Variants in DGKB observed in about 807,000 individuals in gnomAD.
DGKB encodes diacylglycerol kinase beta.
A neutral mutation model predicts 114.3 loss-of-function variants in DGKB; 67 were observed. The observed-to-expected ratio is 0.59, with a 90% CI of 0.48 to 0.72. DGKB has a LOEUF of 0.72. Ranked by LOEUF, DGKB falls within the 30% of genes least tolerant of loss-of-function variation. The pLI is 0.00. For synonymous variants in DGKB, 398 were observed against 323.1 expected (o/e 1.23, Z -2.49); for missense variants, 907 against 975.2 (o/e 0.93, Z 0.93).
Position 14,308,330 on chromosome 7 carries a change from T to C in DGKB, c.2122+30185A>G, listed in dbSNP as rs546197314. 2.9e-4 allele frequency among the ~76,000 whole-genome samples: 44 copies of C among 152,208 alleles called. 1 individual carries two copies. The South Asian group carries it at 8.5e-3, about 29-fold the overall frequency. Reference sequence around the variant, plus strand: ...CTTATGCAATGAAGATATTTGTATATAATTTGTTTTCTGTACTTAGCAATT... The same window carrying C: ...CTTATGCAATGAAGATATTTGTATACAATTTGTTTTCTGTACTTAGCAATT... On this transcript the variant is annotated intron_variant, in intron 23 of 25. Coordinates refer to ENST00000402815, the MANE Select transcript of DGKB (RefSeq NM_001350709.2).
intron 25 of DGKB, among the ~76,000 whole-genome samples, chr7:14,158,215 C>T (rs879324372): frequency 2.0e-5 from 3 of 152,176 alleles, no homozygotes; most frequent in Non-Finnish European, 2.9e-5. Context: ...TATTTAGTCC[C>T]GTGGAAACAC....
At chr7:14,337,885 A>G (rs1160303735) in intron 23 of DGKB, among the ~76,000 whole-genome samples, 1 of 152,168 alleles carries the variant, frequency 6.6e-6, no homozygotes, top group Non-Finnish European at 1.5e-5. Flanking sequence ...ATCATGTCCC[A>G]ATGAGAACTA....
intron 23 of DGKB, among the ~76,000 whole-genome samples, chr7:14,224,640 T>TTGCTTGTTTGTTTTGTA: frequency 6.6e-6 from 1 of 152,066 alleles, no homozygotes; most frequent in East Asian, 1.9e-4. Flanking sequence ...TGGGACTTGT[T>TTGCTTGTTTGTTTTGTA]TGCTTGTTTG....
intron 2 of DGKB, among the ~76,000 whole-genome samples, chr7:14,814,600 A>T (rs1843856825): frequency 6.6e-6 from 1 of 152,176 alleles, no homozygotes; most frequent in South Asian, 2.1e-4. Context: ...TATCTGTTAC[A>T]TTCATTTATG....
chr7:14,874,379 T>C (rs1852941037), intron 1 of DGKB, among the ~76,000 whole-genome samples: 1 of 152,078 alleles, frequency 6.6e-6, no homozygotes, highest in Admixed American at 6.6e-5. Context: ...AGCATGCATT[T>C]TCCACATTTC....
intron 23 of DGKB, among the ~76,000 whole-genome samples, chr7:14,262,446 T>TGAGTGA (rs1415175469): frequency 6.6e-6 from 1 of 152,168 alleles, no homozygotes; most frequent in Non-Finnish European, 1.5e-5. Context: ...AAGCTGTGTC[T>TGAGTGA]GAGTGAGAGT....
chr7:14,338,249 A>T (rs1371750344), intron 23 of DGKB, among the ~76,000 whole-genome samples: 1 of 152,066 alleles, frequency 6.6e-6, no homozygotes, highest in Non-Finnish European at 1.5e-5. Context: ...CTTCTATTTT[A>T]TTATCCATGA....
chr7:14,465,731 A>C lies in DGKB; in HGVS notation c.1835+12430T>G, dbSNP rs569603757. On this transcript the variant is annotated intron_variant, in intron 21 of 25. Transcript: ENST00000402815. ...CACTATTTGAAGCCAGGGAGCCCTA[A>C]CTAGCACATTATAAATATCTGGGGG... 7.9e-5 allele frequency among the ~76,000 whole-genome samples: 12 copies of C among 152,264 alleles called. No homozygotes were observed. In the East Asian group the frequency reaches 2.1e-3, roughly 27 times the overall value.
chr7:14,487,618 C>A (rs149856405), intron 20 of DGKB, among the ~76,000 whole-genome samples: 2 of 148,600 alleles, frequency 1.3e-5, no homozygotes, highest in Non-Finnish European at 3.0e-5. Context: ...AGAATCTCTC[C>A]CTGTCACCAA....
intron 23 of DGKB, among the ~76,000 whole-genome samples, chr7:14,225,905 A>G (rs1363202940): frequency 6.6e-6 from 1 of 151,990 alleles, no homozygotes; most frequent in East Asian, 1.9e-4. Flanking sequence ...ATTTAATTTT[A>G]TAATTAATTT....
At chr7:14,763,614 C>A (rs1266342205) in intron 2 of DGKB, among the ~76,000 whole-genome samples, 2 of 151,966 alleles carry the variant, frequency 1.3e-5, no homozygotes, top group African/African-American at 2.4e-5. Flanking sequence ...GGCTTAGGAA[C>A]CTCATTATTA....
chr7:14,893,464 T>G (rs958078507), intron 1 of DGKB, among the ~76,000 whole-genome samples: 1 of 151,510 alleles, frequency 6.6e-6, no homozygotes, highest in South Asian at 2.1e-4. Flanking sequence ...TTAAAAGTAT[T>G]AGGATATGTC....
intron 20 of DGKB, among the ~76,000 whole-genome samples, chr7:14,572,030 A>G (rs753205468): frequency 4.6e-5 from 7 of 152,204 alleles, no homozygotes; most frequent in Non-Finnish European, 1.0e-4. Context: ...AAAGTGTGTC[A>G]CACATTTAGG....
chr7:14,909,669 A>G (rs1180132561), intron 1 of DGKB, among the ~76,000 whole-genome samples: 2 of 152,212 alleles, frequency 1.3e-5, no homozygotes, highest in Non-Finnish European at 2.9e-5. Context: ...CAATGATTAA[A>G]TATATATTTA....
intron 23 of DGKB, among the ~76,000 whole-genome samples, chr7:14,298,338 G>A (rs1802935609): frequency 6.6e-6 from 1 of 152,116 alleles, no homozygotes; most frequent in South Asian, 2.1e-4. Flanking sequence ...AAACAGCATG[G>A]TACTGGTACC....
chr7:14,761,277 C>T (rs1421980949), intron 2 of DGKB, among the ~76,000 whole-genome samples: 1 of 152,116 alleles, frequency 6.6e-6, no homozygotes, highest in African/African-American at 2.4e-5. Flanking sequence ...GCGCATGGAA[C>T]ACCAGAGAGT....
chr7:14,756,523 A>T (rs770798561), intron 3 of DGKB, among the ~76,000 whole-genome samples: 44 of 152,012 alleles, frequency 2.9e-4, no homozygotes, highest in Non-Finnish European at 2.1e-4. Context: ...AGAAGAAAAT[A>T]AATTCCAGGC....
intron 23 of DGKB, among the ~76,000 whole-genome samples, chr7:14,272,859 T>G (rs1451219401): frequency 6.6e-6 from 1 of 152,088 alleles, no homozygotes; most frequent in Non-Finnish European, 1.5e-5. Flanking sequence ...TTCTGAATAA[T>G]GAGTTTGAAA....
At chr7:14,244,362 A>G (rs1164959649) in intron 23 of DGKB, among the ~76,000 whole-genome samples, 1 of 152,158 alleles carries the variant, frequency 6.6e-6, no homozygotes, top group African/African-American at 2.4e-5. Flanking sequence ...ACGTGATATT[A>G]GAAGAGGGTG....
Sources: allele counts gnomAD v4.1 joint callset (sites outside exome capture counted in the v4.1 genomes callset), GRCh38; gene constraint gnomAD v4.1.1; transcripts MANE v1.5; gene names NCBI Gene and HGNC (gene_info 2026-07-23, HGNC 2026-07-21).